Variants in CCDC149 observed in about 807,000 individuals in gnomAD.
The protein encoded by CCDC149 is coiled-coil domain-containing protein 149.
In CCDC149, 45 loss-of-function variants were observed where a neutral mutation model predicts 59.9. That is an observed-to-expected ratio of 0.75 (90% CI 0.59 to 0.96). CCDC149 has a LOEUF of 0.96. CCDC149 is among the 40% of genes least tolerant of loss of function. The pLI is 0.00. For synonymous variants in CCDC149, 245 were observed against 260.6 expected, an observed-to-expected ratio of 0.94 and a Z score of 0.58; for missense variants, 584 against 664.7, an observed-to-expected ratio of 0.88 and a Z score of 1.33.
chr4:24,839,026 T>A (rs56115325), intron 4 of CCDC149, among the ~76,000 whole-genome samples: 11,063 of 129,996 alleles, frequency 0.085, 499 homozygotes, highest in African/African-American at 0.13. Flanking sequence ...TCTCTCTCTC[T>A]CTCACACACA....
At chr4:24,924,927 G>A (rs537815244) in intron 1 of CCDC149, among the ~76,000 whole-genome samples, 2 of 152,224 alleles carry the variant, frequency 1.3e-5, no homozygotes, top group South Asian at 4.2e-4. Context: ...CACATCCACT[G>A]GCTACAATAC....
intron 4 of CCDC149, among the ~76,000 whole-genome samples, chr4:24,844,488 C>G (rs1441619581): frequency 2.0e-5 from 3 of 152,066 alleles, no homozygotes; most frequent in Non-Finnish European, 2.9e-5. Context: ...AATCAATGGG[C>G]CGGGCCAGGC....
rs546810992 is a variant in CCDC149 at position 24,854,097 on chromosome 4, T to A, written c.265-918A>T. The stretch of plus-strand genomic sequence containing the variant: ...CCTCATGGTCCCTTTCCCCAGAGCA[T>A]GCAGACACCTTTTACCATATCCTCA... On this transcript the variant is annotated intron_variant, in intron 3 of 12. Transcript: ENST00000635206. Among the ~76,000 whole-genome samples the A allele has an allele frequency of 1.1e-4, 16 of 152,268 alleles. No homozygotes were observed. The South Asian group carries it at 3.3e-3, about 32-fold the overall frequency.
chr4:24,857,789 A>G (rs1718116542), intron 3 of CCDC149, among the ~76,000 whole-genome samples: 1 of 152,162 alleles, frequency 6.6e-6, no homozygotes, highest in Admixed American at 6.5e-5. Flanking sequence ...GTTCACTGTA[A>G]ATCTACCCCA....
intron 8 of CCDC149, among the ~76,000 whole-genome samples, chr4:24,834,642 G>A (rs547022348): frequency 7.9e-5 from 12 of 152,282 alleles, no homozygotes; most frequent in Admixed American, 3.3e-4. Context: ...GAAAAACCTC[G>A]AATGCAGTGC....
At chr4:24,817,692 C>T (rs1715104756) in intron 12 of CCDC149, among the ~76,000 whole-genome samples, 1 of 151,534 alleles carries the variant, frequency 6.6e-6, no homozygotes, top group African/African-American at 2.4e-5. Context: ...GCTCCCTCAT[C>T]CGTATGCAAG....
intron 1 of CCDC149, among the ~76,000 whole-genome samples, chr4:24,918,626 T>C (rs2109335250): frequency 6.6e-6 from 1 of 152,354 alleles, no homozygotes; most frequent in Admixed American, 6.5e-5. Flanking sequence ...TAAAGAGTTT[T>C]ACTGTTCCTC....
At chr4:24,946,616 T>C (rs1484375720) in intron 1 of CCDC149, among the ~76,000 whole-genome samples, 2 of 152,114 alleles carry the variant, frequency 1.3e-5, no homozygotes. Context: ...AGTGAGAAAA[T>C]AAAATGTTGA....
chr4:24,939,560 G>A (rs1722893274), intron 1 of CCDC149, among the ~76,000 whole-genome samples: 1 of 152,196 alleles, frequency 6.6e-6, no homozygotes, highest in Admixed American at 6.5e-5. Context: ...ACTTTGACGA[G>A]TTGAGAGAGA....
Position 24,912,961 on chromosome 4 carries a change from C to G in CCDC149, c.-82G>C. 1.4e-6 allele frequency: 1 copy of G among 727,576 alleles called. No homozygotes were observed. The highest frequency in any genetic ancestry group is 1.8e-6 in the Non-Finnish European group (1 of 562,850). 45.1% of individuals were successfully genotyped at this position (727,576 alleles called of 1,614,324 possible). A position where few individuals can be genotyped will look rare whatever the true frequency, so the allele number is the denominator to read the frequency against. On this transcript the variant is annotated 5_prime_UTR_variant, in exon 1 of 13. Transcript: ENST00000635206. ...CCGCCGCCGCCCGGGCCCCGCGCGG[C>G]CCCGAGAGGGCCCGGCGCCTCCGAG...
intron 1 of CCDC149, among the ~76,000 whole-genome samples, chr4:24,903,546 A>G (rs150633740): frequency 1.7e-3 from 259 of 152,316 alleles, no homozygotes; most frequent in African/African-American, 5.9e-3. Flanking sequence ...ACTGTTTTGA[A>G]TAACCATTCA....
intron 1 of CCDC149, among the ~76,000 whole-genome samples, chr4:24,928,667 C>G (rs749444848): frequency 6.6e-6 from 1 of 152,156 alleles, no homozygotes; most frequent in Non-Finnish European, 1.5e-5. Flanking sequence ...TTGGAATGCT[C>G]TTCCAGAACT....
At chr4:24,932,464 A>G (rs1451687002) in intron 1 of CCDC149, among the ~76,000 whole-genome samples, 3 of 152,130 alleles carry the variant, frequency 2.0e-5, no homozygotes, top group Non-Finnish European at 2.9e-5. Flanking sequence ...AAGGTAAGAC[A>G]CTCAGGAAAG....
At chr4:24,830,228 A>C (rs962160895) in intron 9 of CCDC149, 4 of 152,348 alleles carry the variant, frequency 2.6e-5, no homozygotes, top group African/African-American at 9.7e-5. Flanking sequence ...GAAGGCTTGA[A>C]AGATGAGGTG....
intron 1 of CCDC149, among the ~76,000 whole-genome samples, chr4:24,970,822 G>C (rs1280681889): frequency 6.6e-6 from 1 of 152,064 alleles, no homozygotes; most frequent in East Asian, 1.9e-4. Flanking sequence ...CTTGGGTTTT[G>C]TGAGTGCAAT....
intron 4 of CCDC149, 82 bp downstream of exon 4, chr4:24,852,988 ATT>A: frequency 1.2e-6 from 1 of 855,096 alleles, no homozygotes; most frequent in Non-Finnish European, 1.9e-6. Flanking sequence ...CAAATGCTGC[ATT>A]ACATTTTTCC....
At chr4:24,842,329 A>C (rs1057124822) in intron 4 of CCDC149, among the ~76,000 whole-genome samples, 2 of 152,232 alleles carry the variant, frequency 1.3e-5, no homozygotes, top group Non-Finnish European at 2.9e-5. Flanking sequence ...CCACGAGGGA[A>C]GTCCCACCTT....
chr4:24,978,912 T>C lies in CCDC149; in HGVS notation c.-65+1157A>G, dbSNP rs186400090. On this transcript the variant is annotated intron_variant, in intron 1 of 12. Coordinates refer to the CCDC149 transcript ENST00000389609. ...ATAGGATGACATCTGTGGCTGGTTG[T>C]CCAACACTCATGGCTCCCTTCTGGA... Among the ~76,000 whole-genome samples the C allele has an allele frequency of 2.9e-3, 439 of 152,322 alleles. 4 individuals are homozygous for C. The highest frequency in any genetic ancestry group is 1.7e-3 in the Non-Finnish European group (114 of 68,032).
At chr4:24,832,616 A>T (rs1477133407) in intron 8 of CCDC149, among the ~76,000 whole-genome samples, 1 of 151,050 alleles carries the variant, frequency 6.6e-6, no homozygotes, top group African/African-American at 2.4e-5. Flanking sequence ...ATAGAAAATT[A>T]TTTTTTTTTC....
Sources: gnomAD v4.1 joint callset for allele counts (sites outside exome capture counted in the v4.1 genomes callset) on GRCh38, gnomAD v4.1.1 for gene constraint, MANE v1.5 for transcripts, NCBI Gene and HGNC (gene_info 2026-07-23, HGNC 2026-07-21) for gene names.